Variants in ELFN1 observed in about 807,000 individuals in gnomAD.
The protein encoded by ELFN1 is protein ELFN1.
Under a neutral mutation model 7.6 loss-of-function variants are expected in ELFN1, and 6 were observed. The ratio of observed to expected loss-of-function variants is 0.79; its 90% CI spans 0.43 to 1.56. ELFN1 has a LOEUF of 1.56. Ranked by LOEUF, ELFN1 falls within the 40% of genes most tolerant of loss-of-function variation. The pLI, the probability that ELFN1 is intolerant of heterozygous loss-of-function variation, is 0.01. For missense variants in ELFN1, 1,169 were observed against 1,232.2 expected (o/e 0.95, Z 0.77); for synonymous variants, 657 against 588.1 (o/e 1.12, Z -1.70).
chr7:1,706,190 C>T (rs1364656749), intron 2 of ELFN1, among the ~76,000 whole-genome samples: 2 of 152,178 alleles, frequency 1.3e-5, no homozygotes, highest in African/African-American at 2.4e-5. Flanking sequence ...TTTGAGAGGC[C>T]GAGGTGGGTG....
upstream of ELFN1, among the ~76,000 whole-genome samples, chr7:1,668,921 A>G (rs759461891): frequency 7.9e-5 from 12 of 152,278 alleles, no homozygotes; most frequent in Non-Finnish European, 1.3e-4. Flanking sequence ...GTGGGGGCGC[A>G]CTGGCTTTCG....
intron 2 of ELFN1, among the ~76,000 whole-genome samples, chr7:1,690,343 T>C (rs1316426627): frequency 7.5e-6 from 1 of 133,558 alleles, no homozygotes; most frequent in Non-Finnish European, 1.6e-5. Context: ...GATATATGGA[T>C]GATGGATGGA....
At chr7:1,716,163 C>A (rs1779824742) in intron 3 of ELFN1, among the ~76,000 whole-genome samples, 1 of 152,354 alleles carries the variant, frequency 6.6e-6, no homozygotes, top group African/African-American at 2.4e-5. Flanking sequence ...TTCCCATCCC[C>A]TGCTCACCCC....
chr7:1,732,244 T>A (rs1780341006), intron 3 of ELFN1, among the ~76,000 whole-genome samples: 1 of 151,514 alleles, frequency 6.6e-6, no homozygotes, highest in Admixed American at 6.6e-5. Context: ...CTGGGAGGGG[T>A]TCACGTCCCA....
chr7:1,703,776 CA>C (rs1779475427), intron 2 of ELFN1, among the ~76,000 whole-genome samples: 1 of 152,206 alleles, frequency 6.6e-6, no homozygotes. Flanking sequence ...CAGTCCAAAG[CA>C]AAGAACTCTC....
intron 3 of ELFN1, among the ~76,000 whole-genome samples, chr7:1,730,504 T>C (rs1004177563): frequency 6.6e-6 from 1 of 152,236 alleles, no homozygotes; most frequent in African/African-American, 2.4e-5. Flanking sequence ...ATGTAGAAGT[T>C]ATACAAAAAA....
intron 1 of ELFN1, among the ~76,000 whole-genome samples, chr7:1,672,760 G>A (rs917203455): frequency 3.3e-5 from 5 of 152,114 alleles, no homozygotes; most frequent in African/African-American, 9.6e-5. Context: ...CCCCATTTTG[G>A]TAGGGGACTG....
chr7:1,727,492 G>C (rs1562381129), intron 3 of ELFN1, among the ~76,000 whole-genome samples: 2 of 140,650 alleles, frequency 1.4e-5, no homozygotes, highest in Admixed American at 6.8e-5. Context: ...CCTGTGGTCA[G>C]TCCTGGGCTG....
In ELFN1 at chr7:1,744,900, G is replaced by A. The variant is rs1005546401; in HGVS notation, c.304G>A (p.Gly102Ser). 11 of 1,556,980 alleles carry A rather than the reference G, an allele frequency of 7.1e-6. No homozygotes were observed. The highest frequency in any genetic ancestry group is 1.2e-5 in the South Asian group (1 of 84,396). ...GAACGAGATCGGCTACATCGAGGAC[G>A]GCGCCTTCTCGGGCCAGTTCAACCT... ...TKNEIGYIED[G>S]AFSGQFNLQV... is the part of the protein sequence containing the mutation. Residue 102 changes from glycine (G) to serine (S), a missense_variant, in exon 4 of 4, where the codon GGC becomes AGC. Physicochemically the swap from Gly to Ser is moderately conservative, Grantham distance 56. Around this residue, in one of 2 missense-constraint regions of ELFN1, gnomAD observed 255 missense variants for 359.6 expected, o/e 0.71. Coordinates refer to ENST00000424383, the MANE Select transcript of ELFN1 (RefSeq NM_001128636.4).
At chr7:1,707,303 A>G (rs1206799312) in intron 2 of ELFN1, among the ~76,000 whole-genome samples, 4 of 152,260 alleles carry the variant, frequency 2.6e-5, no homozygotes, top group African/African-American at 9.6e-5. Flanking sequence ...ACGTGACTGC[A>G]GGCTGGCTGC....
chr7:1,691,680 G>T (rs991967541), intron 2 of ELFN1, among the ~76,000 whole-genome samples: 3 of 152,220 alleles, frequency 2.0e-5, no homozygotes, highest in African/African-American at 7.2e-5. Context: ...GTAGGTCTCT[G>T]TTGGCATCAG....
intron 3 of ELFN1, among the ~76,000 whole-genome samples, chr7:1,736,664 TG>T (rs1182490055): frequency 6.6e-6 from 1 of 152,160 alleles, no homozygotes; most frequent in Non-Finnish European, 1.5e-5. Context: ...GGGCTCCAGC[TG>T]GGGAGACACC....
intron 2 of ELFN1, among the ~76,000 whole-genome samples, chr7:1,703,258 C>T (rs138080627): frequency 8.7e-4 from 133 of 152,244 alleles, no homozygotes; most frequent in African/African-American, 3.1e-3. Context: ...TCAATTTGAA[C>T]GAGTTCTTTA....
At chr7:1,742,022 G>A (rs933148897) in intron 3 of ELFN1, among the ~76,000 whole-genome samples, 3 of 152,144 alleles carry the variant, frequency 2.0e-5, no homozygotes, top group African/African-American at 7.2e-5. Flanking sequence ...GTACAAACAC[G>A]TGTGTGGGTG....
At chr7:1,676,272 G>T (rs1456885986) in intron 1 of ELFN1, among the ~76,000 whole-genome samples, 1 of 152,180 alleles carries the variant, frequency 6.6e-6, no homozygotes, top group African/African-American at 2.4e-5. Flanking sequence ...CCCTGTGTCT[G>T]TTTGCCCCGT....
chr7:1,676,418 C>G, intron 1 of ELFN1, among the ~76,000 whole-genome samples: 1 of 152,212 alleles, frequency 6.6e-6, no homozygotes, highest in East Asian at 1.9e-4. Flanking sequence ...TGGTGTTCGG[C>G]GTGACCTGAG....
At chr7:1,679,144 C>T (rs555620597) in intron 1 of ELFN1, among the ~76,000 whole-genome samples, 91 of 151,784 alleles carry the variant, frequency 6.0e-4, no homozygotes, top group Admixed American at 1.2e-3. Flanking sequence ...CACACGCGTG[C>T]GCGCACACAC....
At chr7:1,741,123 C>G (rs1298366858) in intron 3 of ELFN1, among the ~76,000 whole-genome samples, 17 of 100,316 alleles carry the variant, frequency 1.7e-4, no homozygotes, top group Non-Finnish European at 4.0e-5. Flanking sequence ...GAGCAAGACT[C>G]TGTCTCAAAA....
chr7:1,735,335 C>T lies in ELFN1; in HGVS notation c.-293-8969C>T, dbSNP rs1192155412. 1.3e-5 allele frequency among the ~76,000 whole-genome samples: 2 copies of T among 152,072 alleles called. No homozygotes were observed. The highest frequency in any genetic ancestry group is 1.5e-5 in the Non-Finnish European group (1 of 68,008). On this transcript the variant is annotated intron_variant, in intron 3 of 3. Transcript: ENST00000424383. The surrounding 1 kb of genome is among the most constrained non-coding windows in gnomAD (Gnocchi z 5.9). ...TCACATGGTAAGGTCGTCAGGCACT[C>T]GGCACCGTTCCCATAGCCCCTTGAC...
Sources: allele counts gnomAD v4.1 joint callset (sites outside exome capture counted in the v4.1 genomes callset), GRCh38; gene constraint gnomAD v4.1.1; regional missense constraint gnomAD v4.1.1; non-coding constraint Gnocchi (gnomAD v3.1); transcripts MANE v1.5; gene names NCBI Gene and HGNC (gene_info 2026-07-23, HGNC 2026-07-21).